CPNE4: variants seen among roughly 807,000 people sequenced by gnomAD.
CPNE4 encodes the protein copine-4.
CPNE4 carries 25 observed loss-of-function variants against 67.9 expected under a neutral mutation model. That is an observed-to-expected ratio of 0.37 (90% CI 0.27 to 0.51). The LOEUF is 0.51. Ranked by LOEUF, CPNE4 falls within the 20% of genes least tolerant of loss-of-function variation. The pLI, the probability that CPNE4 is intolerant of heterozygous loss-of-function variation, is 0.93. For missense variants in CPNE4, 464 were observed against 690.8 expected, an observed-to-expected ratio of 0.67 and a Z score of 3.68; for synonymous variants, 242 against 244.9, an observed-to-expected ratio of 0.99 and a Z score of 0.11.
In CPNE4 at chr3:132,001,515, T is replaced by TGA. The variant is rs139256760; in HGVS notation, c.-2+33050_-2+33051dup. ...AGAAATGCCAGGAGTCTTGTAATTG[T>TGA]GAGAGAGAGAGAGAGAAAGAAAGAG... On this transcript the variant is annotated intron_variant, in intron 1 of 15. Coordinates refer to ENST00000429747, the MANE Select transcript of CPNE4 (RefSeq NM_130808.3). Among the ~76,000 whole-genome samples, 108 of 127,518 alleles carry TGA rather than the reference T, an allele frequency of 8.5e-4. 1 individual carries two copies. Among genetic ancestry groups the TGA allele is most frequent in the African/African-American group, 2.3e-3 (76 of 33,120 alleles). The allele number at this position is 127,518 out of a possible 152,430, so 83.7% of individuals were successfully genotyped here.
At chr3:131,863,379 T>G (rs576285065) in intron 2 of CPNE4, among the ~76,000 whole-genome samples, 2 of 152,318 alleles carry the variant, frequency 1.3e-5, no homozygotes, top group South Asian at 4.1e-4. Context: ...TGTTGTTTCC[T>G]GACTTTTTAA....
chr3:131,802,978 A>G (rs866508439), intron 2 of CPNE4, among the ~76,000 whole-genome samples: 1 of 152,160 alleles, frequency 6.6e-6, no homozygotes, highest in Non-Finnish European at 1.5e-5. Flanking sequence ...GAAAACCTGT[A>G]TGGACTCAGG....
chr3:132,018,091 C>A (rs1198341723), intron 1 of CPNE4, among the ~76,000 whole-genome samples: 1 of 152,192 alleles, frequency 6.6e-6, no homozygotes, highest in African/African-American at 2.4e-5. Flanking sequence ...AGAGCCTACC[C>A]AAGACGTCTC....
intron 2 of CPNE4, among the ~76,000 whole-genome samples, chr3:131,898,678 G>T (rs1583422178): frequency 6.6e-6 from 1 of 151,998 alleles, no homozygotes; most frequent in African/African-American, 2.4e-5. Context: ...TCACTTAAAA[G>T]TTGAACATCA....
intron 3 of CPNE4, among the ~76,000 whole-genome samples, chr3:131,721,225 G>T (rs1303561353): frequency 6.6e-6 from 1 of 151,760 alleles, no homozygotes; most frequent in African/African-American, 2.4e-5. Flanking sequence ...CTAGCATAAT[G>T]CCTGTCTTAC....
At chr3:131,618,775 G>C (rs1486763793) in intron 7 of CPNE4, among the ~76,000 whole-genome samples, 1 of 152,100 alleles carries the variant, frequency 6.6e-6, no homozygotes, top group East Asian at 1.9e-4. Flanking sequence ...GTTGAGGTGG[G>C]AGAAGCAGAG....
intron 2 of CPNE4, among the ~76,000 whole-genome samples, chr3:131,848,979 A>AC (rs1218396304): frequency 1.0e-4 from 15 of 144,566 alleles, no homozygotes; most frequent in African/African-American, 3.5e-4. Context: ...AAAAAAAAAA[A>AC]AAACACAGAG....
chr3:131,609,542 A>T (rs1308200230), intron 7 of CPNE4, among the ~76,000 whole-genome samples: 1 of 152,202 alleles, frequency 6.6e-6, no homozygotes, highest in East Asian at 1.9e-4. Context: ...TGCCTGAATC[A>T]TTGTATGAAG....
At chr3:131,594,010 G>A (rs1248370258) in intron 7 of CPNE4, among the ~76,000 whole-genome samples, 2 of 152,084 alleles carry the variant, frequency 1.3e-5, no homozygotes, top group Non-Finnish European at 2.9e-5. Flanking sequence ...GAGCCACCAC[G>A]CCTGCCCGGC....
chr3:131,916,287 C>T lies in CPNE4; in HGVS notation c.-1-10843G>A, dbSNP rs188424761. Among the ~76,000 whole-genome samples, 242 of 148,694 alleles carry T rather than the reference C, an allele frequency of 1.6e-3. 1 individual carries two copies. The highest frequency in any genetic ancestry group is 5.0e-3 in the African/African-American group (201 of 40,286). ...TAAAATCATAGTTTGGATTCTTCCA[C>T]TAGGGTCACGTTAACAGGAAGCTGG... On this transcript the variant is annotated intron_variant, in intron 1 of 15. Transcript: ENST00000429747.
chr3:131,761,206 C>T (rs1309020867), intron 2 of CPNE4, among the ~76,000 whole-genome samples: 9 of 120,178 alleles, frequency 7.5e-5, no homozygotes, highest in Admixed American at 1.1e-4. Flanking sequence ...CACCTCACTT[C>T]GTACTTTTTT....
chr3:131,622,250 C>T (rs1368366095), intron 7 of CPNE4, among the ~76,000 whole-genome samples: 1 of 152,010 alleles, frequency 6.6e-6, no homozygotes, highest in Non-Finnish European at 1.5e-5. Flanking sequence ...CTCCTTTTAC[C>T]TCACTTATTT....
At chr3:131,629,938 T>C (rs2079177184) in intron 7 of CPNE4, among the ~76,000 whole-genome samples, 1 of 136,426 alleles carries the variant, frequency 7.3e-6, no homozygotes, top group Non-Finnish European at 1.5e-5. Context: ...TTCCTTCTCT[T>C]TCTCCCTCTC....
intron 2 of CPNE4, among the ~76,000 whole-genome samples, chr3:131,755,073 AATAC>A (rs1431615427): frequency 2.0e-5 from 3 of 152,174 alleles, no homozygotes; most frequent in African/African-American, 7.2e-5. Flanking sequence ...TACTATTATA[AATAC>A]ATAAATATGA....
intron 14 of CPNE4, among the ~76,000 whole-genome samples, chr3:131,543,279 C>T (rs1004809466): frequency 1.2e-4 from 19 of 152,280 alleles, no homozygotes; most frequent in Admixed American, 2.6e-4. Context: ...GAGCAAGTGA[C>T]GAACTGAATT....
At position 131,642,059 on chromosome 3, in the gene CPNE4, G is replaced by A. The variant is rs563931224; in HGVS notation, c.681+27616C>T. ...AGACTACACATTGGATACAGTGTAT[G>A]CTGCTCGAGTGATGGTTGATGCACC... On this transcript the variant is annotated intron_variant, in intron 7 of 15. Coordinates refer to ENST00000429747, the MANE Select transcript of CPNE4 (RefSeq NM_130808.3). Among the ~76,000 whole-genome samples the A allele has an allele frequency of 3.9e-5, 6 of 152,252 alleles. No homozygotes were observed. The East Asian group carries it at 1.2e-3, about 29-fold the overall frequency.
intron 1 of CPNE4, among the ~76,000 whole-genome samples, chr3:132,008,413 C>T (rs998442815): frequency 2.0e-5 from 3 of 152,140 alleles, no homozygotes; most frequent in Admixed American, 2.0e-4. Flanking sequence ...TATTTCTAAC[C>T]TTAATCACAA....
chr3:132,037,548 A>C (rs1172219468), upstream of CPNE4: 10 of 1,534,040 alleles, frequency 6.5e-6, no homozygotes, highest in South Asian at 6.0e-5. Context: ...CCTTGTCTCT[A>C]TCACTCACCT....
intron 2 of CPNE4, among the ~76,000 whole-genome samples, chr3:131,844,259 CTT>C (rs569052106): frequency 1.9e-4 from 26 of 136,116 alleles, no homozygotes; most frequent in African/African-American, 3.8e-4. Flanking sequence ...TCTGTATGTT[CTT>C]TTTTTTTTTT....
Sources: allele counts gnomAD v4.1 joint callset (sites outside exome capture counted in the v4.1 genomes callset), GRCh38; gene constraint gnomAD v4.1.1; transcripts MANE v1.5; gene names NCBI Gene and HGNC (gene_info 2026-07-23, HGNC 2026-07-21).